Variants in ALDH7A1 observed in about 807,000 individuals in gnomAD.
ALDH7A1 encodes aldehyde dehydrogenase 7 family member A1, also known as alpha-aminoadipic semialdehyde dehydrogenase.
ALDH7A1 carries 63 observed loss-of-function variants against 79.9 expected under a neutral mutation model. The ratio of observed to expected loss-of-function variants is 0.79; its 90% confidence interval spans 0.64 to 0.97. ALDH7A1 has a LOEUF of 0.97. Among genes scored for constraint, ALDH7A1 ranks in the 50% least tolerant of loss-of-function variants. The probability of loss-of-function intolerance (pLI) is 0.00; values close to 1 mark genes in which losing one functional copy is unlikely to be tolerated. For synonymous variants in ALDH7A1, 240 were observed against 231.2 expected (o/e 1.04, Z -0.34); for missense variants, 627 against 665.2 (o/e 0.94, Z 0.63).
intron 4 of ALDH7A1, 124 bp downstream of exon 4, chr5:126,583,808 C>A (rs532136957): frequency 1.3e-6 from 1 of 789,318 alleles, no homozygotes; most frequent in Non-Finnish European, 2.1e-6. Context: ...CCACTGCACT[C>A]CAGCCTGGGT....
At chr5:126,558,441 T>C (rs1284089020) in intron 11 of ALDH7A1, among the ~76,000 whole-genome samples, 2 of 152,180 alleles carry the variant, frequency 1.3e-5, no homozygotes, top group East Asian at 1.9e-4. Context: ...CACATATACA[T>C]AGCCATTTGC....
At chr5:126,592,834 G>T (rs1217742998) in intron 2 of ALDH7A1, 105 bp from the exon 3 acceptor site, 3 of 1,144,832 alleles carry the variant, frequency 2.6e-6, no homozygotes, top group Non-Finnish European at 3.8e-6. Flanking sequence ...AATCTCTAGG[G>T]TTCCCTAACA....
Position 126,544,594 on chromosome 5 carries a change from C to T in ALDH7A1, c.*371G>A, listed in dbSNP as rs917533518. ...AATCCTTCACTTGGTCAGGAGACAC[C>T]CTGTATCTACTGCAAAGACTTCTGT... On this transcript the variant is annotated 3_prime_UTR_variant, in exon 18 of 18. Transcript: ENST00000409134. 6.6e-6 allele frequency: 2 copies of T among 304,260 alleles called. No homozygotes were observed. The highest frequency in any genetic ancestry group is 4.4e-5 in the African/African-American group (2 of 45,438). 18.8% of individuals were successfully genotyped at this position (304,260 alleles called of 1,614,324 possible). A position where few individuals can be genotyped will look rare whatever the true frequency, so the allele number is the denominator to read the frequency against.
chr5:126,554,153 A>C, intron 13 of ALDH7A1, 134 bp downstream of exon 13: 1 of 666,784 alleles, frequency 1.5e-6, no homozygotes, highest in Non-Finnish European at 2.6e-6. Flanking sequence ...GTTTTATAAT[A>C]ATATATATAA....
chr5:126,559,342 A>G lies in ALDH7A1; in HGVS notation c.914-8T>C. ...GGTCTGCATCTTCAAAGGCTTAGGA[A>G]AGCACAAACACTTCCATCAGCGAAC... On this transcript the variant is annotated splice_region_variant and splice_polypyrimidine_tract_variant and intron_variant, in intron 10 of 17. Transcript: ENST00000409134. 1.2e-6 allele frequency: 2 copies of G among 1,610,874 alleles called. No individual in the cohort carries two copies. Among genetic ancestry groups the G allele is most frequent in the Non-Finnish European group, 8.5e-7 (1 of 1,177,182 alleles).
chr5:126,551,099 T>A (rs1749982546), intron 14 of ALDH7A1, among the ~76,000 whole-genome samples: 2 of 152,160 alleles, frequency 1.3e-5, no homozygotes, highest in Non-Finnish European at 2.9e-5. Context: ...GCTAATTTTT[T>A]AATTTTTTTG....
rs1484765401 is a variant in ALDH7A1, at chr5:126,577,183, C to T, written c.546G>A (p.Trp182Ter). ...ERSGHALIEQ[W>*]NPVGLVGIIT... ...TGATTCCAACCAGGCCTACGGGATTCCACTGCTCAATCAGTGCATGGCCAG... is the reference window on the plus strand; with the variant it reads ...TGATTCCAACCAGGCCTACGGGATTTCACTGCTCAATCAGTGCATGGCCAG... Residue 182 changes from tryptophan (W) to a stop codon, truncating the protein, a stop_gained, in exon 6 of 18, where the codon TGG (tryptophan) becomes TGA (stop). Transcript: ENST00000409134. LOFTEE classifies it high-confidence loss of function. The T allele has an allele frequency of 1.2e-6, 2 of 1,614,110 alleles. No individual in the cohort carries two copies. Among genetic ancestry groups the T allele is most frequent in the Non-Finnish European group, 1.7e-6 (2 of 1,180,024 alleles).
Position 126,544,983 on chromosome 5 carries a change from T to C in ALDH7A1, c.1602A>G (p.Gln534=). The change falls in exon 18 of 18, where the codon CAA becomes CAG. Residue 534 remains glutamine, a synonymous_variant. Coordinates refer to ENST00000409134, the MANE Select transcript of ALDH7A1 (RefSeq NM_001182.5). The part of the protein sequence containing the change: ...INYSKDLPLA[Q]GIKFQ Reference sequence around the variant, plus strand: ...AACACCTTTACTGAAACTTGATTCCTTGGGCCAGAGGAAGGTCTTTACTGT... The same window carrying C: ...AACACCTTTACTGAAACTTGATTCCCTGGGCCAGAGGAAGGTCTTTACTGT... 3.1e-6 allele frequency: 5 copies of C among 1,610,942 alleles called. No individual in the cohort carries two copies. The highest frequency in any genetic ancestry group is 4.2e-6 in the Non-Finnish European group (5 of 1,177,142).
In ALDH7A1 at chr5:126,551,881, A is replaced by G. The variant is rs1170735726; in HGVS notation, c.1317+140T>C. ...TTTTAAAGTGTTTATCTCATATTTT[A>G]TCCTGAACCTTCATATATCTACTAT... On this transcript the variant is annotated intron_variant, in intron 14 of 17. Coordinates refer to ENST00000409134, the MANE Select transcript of ALDH7A1 (RefSeq NM_001182.5). 8.0e-6 allele frequency: 6 copies of G among 753,114 alleles called. No homozygotes were observed. The East Asian group carries it at 1.6e-4, about 20-fold the overall frequency. The allele number at this position is 753,114 out of a possible 1,614,324, so 46.7% of individuals were successfully genotyped here.
rs1299466765 is a variant in ALDH7A1 at position 126,568,319 on chromosome 5, A to T, written c.811T>A (p.Ser271Thr). 6.2e-7 allele frequency: 1 copy of T among 1,614,022 alleles called. No individual in the cohort carries two copies. The highest frequency in any genetic ancestry group is 8.5e-7 in the Non-Finnish European group (1 of 1,180,000). ...MAKDERVNLLSFTGSTQVGKQ... is the reference protein window; with the variant it reads ...MAKDERVNLLTFTGSTQVGKQ... ...CCCACCTGAGTGCTCCCAGTGAAGG[A>T]CAGCAGGTTCACTCGTTCATCTTTG... The change falls in exon 9 of 18, where the codon TCC becomes ACC. Residue 271 changes from serine (S) to threonine (T), a missense_variant. By Grantham distance (58) the Ser-to-Thr change is moderately conservative (BLOSUM62 1). Coordinates refer to ENST00000409134, the MANE Select transcript of ALDH7A1 (RefSeq NM_001182.5).
intron 12 of ALDH7A1, chr5:126,554,939 G>A (rs981205710): frequency 8.6e-5 from 16 of 186,728 alleles, no homozygotes; most frequent in Non-Finnish European, 1.5e-4. Flanking sequence ...AGGCCTCTAT[G>A]AGGAGGAGGC....
intron 17 of ALDH7A1, among the ~76,000 whole-genome samples, chr5:126,545,791 CAAAA>C (rs561880588): frequency 1.6e-5 from 2 of 128,166 alleles, no homozygotes; most frequent in South Asian, 5.0e-4. Flanking sequence ...GACTCCATCT[CAAAA>C]AAAAAAAAAA....
At chr5:126,582,159 A>G in intron 5 of ALDH7A1, 2 of 398,708 alleles carry the variant, frequency 5.0e-6, no homozygotes, top group Non-Finnish European at 8.8e-6. Context: ...CCTACAAAAT[A>G]TAAAAAAGAC....
chr5:126,550,467 A>T (rs1039632103), intron 14 of ALDH7A1, among the ~76,000 whole-genome samples, 174 bp from the exon 15 acceptor site: 7 of 152,076 alleles, frequency 4.6e-5, no homozygotes, highest in African/African-American at 1.4e-4. Flanking sequence ...GATAATAAGT[A>T]AAAAATTTTG....
chr5:126,591,121 TA>T (rs888992014), intron 3 of ALDH7A1, among the ~76,000 whole-genome samples: 3 of 150,810 alleles, frequency 2.0e-5, no homozygotes, highest in Non-Finnish European at 3.0e-5. Context: ...CAATCTTTTC[TA>T]AAAAAAAAGA....
chr5:126,558,290 A>G (rs1223103563), intron 11 of ALDH7A1, among the ~76,000 whole-genome samples: 1 of 152,036 alleles, frequency 6.6e-6, no homozygotes, highest in Non-Finnish European at 1.5e-5. Flanking sequence ...TAAACTCAAG[A>G]CCAGCTCAAT....
At chr5:126,560,126 A>G (rs1318780199) in intron 10 of ALDH7A1, among the ~76,000 whole-genome samples, 3 of 152,088 alleles carry the variant, frequency 2.0e-5, no homozygotes, top group Non-Finnish European at 4.4e-5. Context: ...CCCGGCAGAC[A>G]CTAGTGCTCA....
chr5:126,550,409 C>T, intron 14 of ALDH7A1, 116 bp from the exon 15 acceptor site: 1 of 786,928 alleles, frequency 1.3e-6, no homozygotes, highest in Non-Finnish European at 2.1e-6. Context: ...AAAAGGAAAC[C>T]AAAGAGTCAA....
chr5:126,556,335 C>T (rs781171171), intron 11 of ALDH7A1, among the ~76,000 whole-genome samples: 27 of 149,068 alleles, frequency 1.8e-4, no homozygotes, highest in Non-Finnish European at 3.3e-4. Flanking sequence ...CTCCACTTCC[C>T]GGGTTCAAGC....
Sources: gnomAD v4.1 joint callset for allele counts (sites outside exome capture counted in the v4.1 genomes callset) on GRCh38, gnomAD v4.1.1 for gene constraint, MANE v1.5 for transcripts, NCBI Gene and HGNC (gene_info 2026-07-23, HGNC 2026-07-21) for gene names.